Variants in SPECC1 observed in about 807,000 individuals in gnomAD.
SPECC1 encodes the protein cytospin-B.
SPECC1 carries 62 observed loss-of-function variants against 104.1 expected under a neutral mutation model. The observed-to-expected ratio is 0.60, with a 90% CI of 0.49 to 0.74. The LOEUF (loss-of-function observed/expected upper bound fraction) is 0.74. SPECC1 is among the 30% of genes least tolerant of loss of function. SPECC1 has a pLI of 0.00. For synonymous variants in SPECC1, 513 were observed against 501.6 expected, an observed-to-expected ratio of 1.02 and a Z score of -0.30; for missense variants, 1,306 against 1,310.5, an observed-to-expected ratio of 1.00 and a Z score of 0.05.
intron 4 of SPECC1, among the ~76,000 whole-genome samples, chr17:20,218,205 A>G (rs2037630813): frequency 1.3e-5 from 2 of 152,190 alleles, no homozygotes; most frequent in African/African-American, 4.8e-5. Flanking sequence ...GAGAGAAAGA[A>G]TGACTTTCAT....
chr17:20,262,841 G>A (rs2040075905), intron 12 of SPECC1, among the ~76,000 whole-genome samples: 1 of 152,032 alleles, frequency 6.6e-6, no homozygotes, highest in Non-Finnish European at 1.5e-5. Context: ...TGTGTATCCT[G>A]TATCTTTGCC....
intron 3 of SPECC1, among the ~76,000 whole-genome samples, chr17:20,138,676 T>C (rs2030346247): frequency 6.6e-6 from 1 of 152,224 alleles, no homozygotes; most frequent in African/African-American, 2.4e-5. Flanking sequence ...TTAAGTTTCC[T>C]CCATGTCTTT....
At chr17:20,170,592 C>T (rs2034014447) in intron 3 of SPECC1, among the ~76,000 whole-genome samples, 1 of 152,152 alleles carries the variant, frequency 6.6e-6, no homozygotes, top group South Asian at 2.1e-4. Context: ...GTCCCAGAGA[C>T]CTAACATCAC....
intron 12 of SPECC1, 39 bp from the exon 13 acceptor site, chr17:20,296,922 G>A: frequency 6.3e-7 from 1 of 1,580,870 alleles, no homozygotes; most frequent in Non-Finnish European, 8.7e-7. Context: ...TGCACAGTTT[G>A]CAATAGTTCT....
At chr17:20,265,680 A>C (rs1866754738) in intron 12 of SPECC1, among the ~76,000 whole-genome samples, 2 of 152,162 alleles carry the variant, frequency 1.3e-5, no homozygotes, top group Non-Finnish European at 2.9e-5. Context: ...GCCAATGTTG[A>C]AAAAGTTATT....
At chr17:20,101,830 G>T (rs942595612) in intron 2 of SPECC1, among the ~76,000 whole-genome samples, 3 of 152,184 alleles carry the variant, frequency 2.0e-5, no homozygotes, top group Non-Finnish European at 2.9e-5. Flanking sequence ...TTGAGAAGCG[G>T]TGTCCAACCA....
intron 3 of SPECC1, among the ~76,000 whole-genome samples, chr17:20,156,530 A>T (rs1239530949): frequency 6.6e-6 from 1 of 152,072 alleles, no homozygotes; most frequent in African/African-American, 2.4e-5. Flanking sequence ...GCCTGCGCCT[A>T]GACCAGGTCT....
intron 3 of SPECC1, among the ~76,000 whole-genome samples, chr17:20,125,835 T>TA (rs2152541539): frequency 6.6e-6 from 1 of 152,352 alleles, no homozygotes; most frequent in Admixed American, 6.5e-5. Context: ...GTGAGGATGT[T>TA]ATGAACTCTG....
At chr17:20,033,175 G>T (rs1487490555) in intron 1 of SPECC1, among the ~76,000 whole-genome samples, 1 of 151,976 alleles carries the variant, frequency 6.6e-6, no homozygotes, top group Non-Finnish European at 1.5e-5. Flanking sequence ...TATTGGCCAG[G>T]CTGGTCTCGA....
intron 3 of SPECC1, among the ~76,000 whole-genome samples, chr17:20,202,759 A>T (rs1245253868): frequency 6.6e-6 from 1 of 152,322 alleles, no homozygotes; most frequent in South Asian, 2.1e-4. Flanking sequence ...GCCAAAAGTT[A>T]TACACAGAGT....
chr17:20,283,297 G>T (rs911463705), intron 12 of SPECC1, among the ~76,000 whole-genome samples: 1 of 152,210 alleles, frequency 6.6e-6, no homozygotes, highest in East Asian at 1.9e-4. Context: ...GTAGCTTTCC[G>T]CTGCCAGAGA....
At chr17:20,296,464 AG>A (rs2142026111) in intron 12 of SPECC1, among the ~76,000 whole-genome samples, 1 of 152,342 alleles carries the variant, frequency 6.6e-6, no homozygotes, top group South Asian at 2.1e-4. Context: ...TGATGCCTCC[AG>A]CTTTGTGCTT....
At chr17:20,075,136 T>C (rs2046708538) in intron 1 of SPECC1, among the ~76,000 whole-genome samples, 3 of 152,168 alleles carry the variant, frequency 2.0e-5, no homozygotes, top group South Asian at 4.1e-4. Flanking sequence ...CTCCTGACCT[T>C]AGGCGATCCA....
intron 1 of SPECC1, among the ~76,000 whole-genome samples, chr17:20,078,859 G>A (rs1300042883): frequency 6.6e-6 from 1 of 152,146 alleles, no homozygotes; most frequent in Non-Finnish European, 1.5e-5. Flanking sequence ...AGTAGACTAA[G>A]GGCCAGGTTG....
At chr17:20,271,311 A>G (rs1598117312) in intron 12 of SPECC1, among the ~76,000 whole-genome samples, 1 of 151,696 alleles carries the variant, frequency 6.6e-6, no homozygotes, top group South Asian at 2.1e-4. Context: ...TTGATCTCCT[A>G]CTGTGAAAGA....
At chr17:20,282,420 T>C (rs9894809) in intron 12 of SPECC1, among the ~76,000 whole-genome samples, 4,542 of 152,286 alleles carry the variant, frequency 0.03, 226 homozygotes, top group African/African-American at 0.1. Context: ...GCTTTCAGTG[T>C]GGATAAAAGA....
In SPECC1 at chr17:20,314,494, G is replaced by A. The variant is rs573365752; in HGVS notation, c.*429G>A. Reference sequence around the variant, plus strand: ...TGCCTTTATGAAACCTTTGCCCTTGGCTGGGTGTGGTAGCTCGTGGCTGTA... The same window carrying A: ...TGCCTTTATGAAACCTTTGCCCTTGACTGGGTGTGGTAGCTCGTGGCTGTA... On this transcript the variant is annotated 3_prime_UTR_variant, in exon 15 of 15. Coordinates refer to ENST00000395527, the MANE Select transcript of SPECC1 (RefSeq NM_001243439.2). 3.3e-5 allele frequency: 10 copies of A among 303,450 alleles called. No homozygotes were observed. The highest frequency in any genetic ancestry group is 9.2e-5 in the East Asian group (2 of 21,680). The allele number at this position is 303,450 out of a possible 1,614,324, so 18.8% of individuals were successfully genotyped here. A position where few individuals can be genotyped will look rare whatever the true frequency, so the allele number is the denominator to read the frequency against.
At chr17:20,165,986 T>A (rs988002524) in intron 3 of SPECC1, among the ~76,000 whole-genome samples, 3 of 152,218 alleles carry the variant, frequency 2.0e-5, no homozygotes, top group African/African-American at 7.2e-5. Context: ...TCCCATTCTG[T>A]AGGTAGCAGT....
chr17:20,111,810 G>C lies in SPECC1; in HGVS notation c.283+1248G>C, dbSNP rs35602968. On this transcript the variant is annotated intron_variant, in intron 3 of 14. Coordinates refer to ENST00000395527, the MANE Select transcript of SPECC1 (RefSeq NM_001243439.2). Reference sequence around the variant, plus strand: ...GGTGGTGGCTCACTCAGGACCCAGGGGGGGGGCAGCGCGATGAGGTGGGTG... The same window carrying C: ...GGTGGTGGCTCACTCAGGACCCAGGCGGGGGGCAGCGCGATGAGGTGGGTG... 289 of 834,004 alleles carry C rather than the reference G, an allele frequency of 3.5e-4. 1 individual carries two copies. Among genetic ancestry groups the C allele is most frequent in the Non-Finnish European group, 1.0e-4 (48 of 475,742 alleles). 51.7% of individuals were successfully genotyped at this position (834,004 alleles called of 1,614,324 possible). A position where few individuals can be genotyped will look rare whatever the true frequency, so the allele number is the denominator to read the frequency against.
Sources: allele counts gnomAD v4.1 joint callset (sites outside exome capture counted in the v4.1 genomes callset), GRCh38; gene constraint gnomAD v4.1.1; transcripts MANE v1.5; gene names NCBI Gene and HGNC (gene_info 2026-07-23, HGNC 2026-07-21).